CCBE1: variants seen among roughly 807,000 people sequenced by gnomAD.
CCBE1 encodes collagen and calcium-binding EGF domain-containing protein 1.
CCBE1 carries 37 observed loss-of-function variants against 50.0 expected under a neutral mutation model. That is an observed-to-expected ratio of 0.74 (90% confidence interval 0.57 to 0.97). The LOEUF is 0.97. Ranked by LOEUF, CCBE1 falls within the 50% of genes least tolerant of loss-of-function variation. The pLI is 0.00. For synonymous variants in CCBE1, 234 were observed against 203.7 expected (o/e 1.15, Z -1.27); for missense variants, 538 against 523.8 (o/e 1.03, Z -0.26).
intron 2 of CCBE1, among the ~76,000 whole-genome samples, chr18:59,626,350 C>T (rs768263277): frequency 1.1e-4 from 16 of 152,258 alleles, no homozygotes; most frequent in South Asian, 4.1e-4. Context: ...TGTCCCTTTA[C>T]GTGCATTTTT....
At chr18:59,581,817 A>C (rs963016258) in intron 2 of CCBE1, among the ~76,000 whole-genome samples, 4 of 152,114 alleles carry the variant, frequency 2.6e-5, no homozygotes, top group African/African-American at 9.7e-5. Context: ...TATAGTTGTG[A>C]CAACCAAAAA....
chr18:59,529,378 TATG>T (rs1914959300), intron 2 of CCBE1, among the ~76,000 whole-genome samples: 1 of 152,128 alleles, frequency 6.6e-6, no homozygotes, highest in Non-Finnish European at 1.5e-5. Flanking sequence ...CAGTCGCAAT[TATG>T]ATGGCCACCT....
At chr18:59,655,676 A>C (rs1187802959) in intron 2 of CCBE1, among the ~76,000 whole-genome samples, 1 of 152,220 alleles carries the variant, frequency 6.6e-6, no homozygotes, top group Non-Finnish European at 1.5e-5. Flanking sequence ...AGACTCAGCT[A>C]ATGAGCTGGT....
intron 2 of CCBE1, among the ~76,000 whole-genome samples, chr18:59,696,102 T>C (rs1202079756): frequency 6.6e-6 from 1 of 151,436 alleles, no homozygotes; most frequent in East Asian, 1.9e-4. Context: ...GCCCACATTT[T>C]TAGAAAGACT....
At chr18:59,533,518 A>C (rs1915130046) in intron 2 of CCBE1, among the ~76,000 whole-genome samples, 1 of 152,156 alleles carries the variant, frequency 6.6e-6, no homozygotes, top group African/African-American at 2.4e-5. Context: ...ACTATGTATA[A>C]CTCTTATGTT....
At chr18:59,444,649 C>A (rs1358994581) in intron 7 of CCBE1, among the ~76,000 whole-genome samples, 2 of 151,992 alleles carry the variant, frequency 1.3e-5, no homozygotes, top group African/African-American at 4.8e-5. Flanking sequence ...TCCTGAGTAG[C>A]TGGGACTATA....
chr18:59,527,272 T>C (rs1298553432), intron 2 of CCBE1, among the ~76,000 whole-genome samples: 1 of 152,208 alleles, frequency 6.6e-6, no homozygotes, highest in Non-Finnish European at 1.5e-5. Flanking sequence ...TTTTTTTCTT[T>C]TTTTATCTCT....
intron 2 of CCBE1, among the ~76,000 whole-genome samples, chr18:59,675,548 G>A (rs1053237888): frequency 3.3e-5 from 5 of 152,128 alleles, no homozygotes; most frequent in African/African-American, 1.2e-4. Context: ...ACAAAGCCAA[G>A]GAAGATAAGC....
intron 2 of CCBE1, among the ~76,000 whole-genome samples, chr18:59,582,524 T>C (rs1321958855): frequency 2.0e-5 from 3 of 152,192 alleles, no homozygotes; most frequent in African/African-American, 7.2e-5. Flanking sequence ...TGCCAGAGAC[T>C]GAGGCAAGAG....
chr18:59,567,534 T>C (rs2052848367), intron 2 of CCBE1, among the ~76,000 whole-genome samples: 1 of 152,228 alleles, frequency 6.6e-6, no homozygotes, highest in Admixed American at 6.5e-5. Context: ...AAGCAAATGA[T>C]TGCAGTCATG....
At chr18:59,476,421 T>C (rs1912309752) in intron 3 of CCBE1, among the ~76,000 whole-genome samples, 1 of 152,218 alleles carries the variant, frequency 6.6e-6, no homozygotes, top group Non-Finnish European at 1.5e-5. Context: ...TCCTATCACC[T>C]GGCCAATCAA....
At chr18:59,565,455 AG>A (rs999964398) in intron 2 of CCBE1, among the ~76,000 whole-genome samples, 1 of 151,086 alleles carries the variant, frequency 6.6e-6, no homozygotes, top group African/African-American at 2.5e-5. Flanking sequence ...CTGGGTAACC[AG>A]GGGCGAGGGG....
At chr18:59,673,222 G>C (rs2054457963) in intron 2 of CCBE1, among the ~76,000 whole-genome samples, 1 of 152,148 alleles carries the variant, frequency 6.6e-6, no homozygotes, top group Non-Finnish European at 1.5e-5. Context: ...AGGTCAAGGA[G>C]GGTGAATGAC....
At chr18:59,639,644 A>G (rs1376951388) in intron 2 of CCBE1, among the ~76,000 whole-genome samples, 7 of 152,156 alleles carry the variant, frequency 4.6e-5, no homozygotes. Context: ...TTCTGGCCAG[A>G]AGTTAGGCAA....
intron 2 of CCBE1, among the ~76,000 whole-genome samples, chr18:59,531,841 G>A (rs1915064461): frequency 6.6e-6 from 1 of 152,208 alleles, no homozygotes; most frequent in Middle Eastern, 3.4e-3. Flanking sequence ...TCTACAAATG[G>A]GGGTGGGAAA....
intron 2 of CCBE1, among the ~76,000 whole-genome samples, chr18:59,681,889 T>C (rs1264405353): frequency 6.6e-6 from 1 of 152,202 alleles, no homozygotes; most frequent in Admixed American, 6.5e-5. Context: ...CCCTGGGCTG[T>C]AAACTAAATG....
chr18:59,609,675 C>A lies in CCBE1; in HGVS notation c.212+86954G>T, dbSNP rs186720173. Reference sequence around the variant, plus strand: ...TATCTTTACTCATGATCAGTTTCACCCTTACCCAATCCATTCTTCATGTGT... The same window carrying A: ...TATCTTTACTCATGATCAGTTTCACACTTACCCAATCCATTCTTCATGTGT... On this transcript the variant is annotated intron_variant, in intron 2 of 10. Coordinates refer to ENST00000439986, the MANE Select transcript of CCBE1 (RefSeq NM_133459.4). 2.6e-5 allele frequency among the ~76,000 whole-genome samples: 4 copies of A among 152,318 alleles called. No homozygotes were observed. The East Asian group carries it at 7.7e-4, about 29-fold the overall frequency.
At chr18:59,454,401 C>A (rs1354388758) in intron 6 of CCBE1, among the ~76,000 whole-genome samples, 1 of 152,140 alleles carries the variant, frequency 6.6e-6, no homozygotes, top group Non-Finnish European at 1.5e-5. Flanking sequence ...CCCACCACCA[C>A]ACCCAGCTAA....
At chr18:59,503,846 G>A (rs1913742315) in intron 2 of CCBE1, among the ~76,000 whole-genome samples, 1 of 152,100 alleles carries the variant, frequency 6.6e-6, no homozygotes, top group African/African-American at 2.4e-5. Context: ...ATGTCTACAT[G>A]TTCCTGGACA....
Sources: allele counts gnomAD v4.1 joint callset (sites outside exome capture counted in the v4.1 genomes callset), GRCh38; gene constraint gnomAD v4.1.1; transcripts MANE v1.5; gene names NCBI Gene and HGNC (gene_info 2026-07-23, HGNC 2026-07-21).